ACVR2A: variants seen among roughly 807,000 people sequenced by gnomAD.
ACVR2A encodes activin receptor type-2A.
A neutral mutation model predicts 61.4 loss-of-function variants in ACVR2A; 7 were observed. The ratio of observed to expected loss-of-function variants is 0.11; its 90% CI spans 0.06 to 0.21. The LOEUF is 0.21. Ranked by LOEUF, ACVR2A falls within the 10% of genes least tolerant of loss-of-function variation. The pLI is 1.00. For missense variants in ACVR2A, 322 were observed against 621.7 expected, an observed-to-expected ratio of 0.52 and a Z score of 5.13; for synonymous variants, 193 against 208.3, an observed-to-expected ratio of 0.93 and a Z score of 0.63.
intron 4 of ACVR2A, among the ~76,000 whole-genome samples, chr2:147,913,789 T>G (rs1687178915): frequency 1.4e-5 from 2 of 141,130 alleles, no homozygotes; most frequent in African/African-American, 2.6e-5. Context: ...TTCTTTCATG[T>G]TTTGAATGTG....
chr2:147,911,085 T>A (rs910287604), intron 4 of ACVR2A, among the ~76,000 whole-genome samples: 2 of 152,142 alleles, frequency 1.3e-5, no homozygotes, highest in African/African-American at 4.8e-5. Flanking sequence ...TCTAGCTATA[T>A]ATAAATTTGT....
intron 1 of ACVR2A, among the ~76,000 whole-genome samples, chr2:147,858,125 C>T (rs752269645): frequency 2.0e-5 from 3 of 152,098 alleles, no homozygotes; most frequent in Non-Finnish European, 4.4e-5. Flanking sequence ...CATGTCCCTG[C>T]GAAGGACGTG....
chr2:147,912,135 CTT>C (rs1437282766), intron 4 of ACVR2A, among the ~76,000 whole-genome samples: 1 of 151,914 alleles, frequency 6.6e-6, no homozygotes, highest in African/African-American at 2.4e-5. Flanking sequence ...TCAGAGATGA[CTT>C]TGTAGCTTCC....
In ACVR2A at chr2:147,896,418, G is replaced by A; in HGVS notation, c.173G>A (p.Arg58Gln). 4 of 1,613,916 alleles carry A rather than the reference G, an allele frequency of 2.5e-6. No individual in the cohort carries two copies. Among genetic ancestry groups the A allele is most frequent in the East Asian group, 2.2e-5 (1 of 44,824 alleles). ...EPCYGDKDKR[R>Q]HCFATWKNIS... ...TGTTATGGTGACAAAGATAAACGGC[G>A]GCATTGTTTTGCTACCTGGAAGAAT... Residue 58 changes from arginine (R) to glutamine (Q), a missense_variant, in exon 2 of 11, where the codon CGG becomes CAG. By Grantham distance (43) the Arg-to-Gln change is conservative. Around this residue, in one of 3 missense-constraint regions of ACVR2A, gnomAD observed 142 missense variants for 200.3 expected, o/e 0.71. Transcript: ENST00000241416.
At chr2:147,846,597 A>G (rs2105125817) in intron 1 of ACVR2A, among the ~76,000 whole-genome samples, 1 of 152,260 alleles carries the variant, frequency 6.6e-6, no homozygotes, top group South Asian at 2.1e-4. Context: ...TAACCAAAAG[A>G]ATCATGTCTG....
chr2:147,889,086 A>C (rs544104192), intron 1 of ACVR2A, among the ~76,000 whole-genome samples: 1 of 151,268 alleles, frequency 6.6e-6, no homozygotes, highest in Non-Finnish European at 1.5e-5. Context: ...TTTCACTTTT[A>C]GTCTGTTGAT....
intron 5 of ACVR2A, among the ~76,000 whole-genome samples, 175 bp from the exon 6 acceptor site, chr2:147,917,108 A>C (rs1456518427): frequency 6.6e-6 from 1 of 152,000 alleles, no homozygotes; most frequent in Non-Finnish European, 1.5e-5. Flanking sequence ...CATTTAGTAT[A>C]AATTTGTTAA....
In ACVR2A at chr2:147,845,310, G is replaced by A. The variant is rs938531785; in HGVS notation, c.55+103G>A. The A allele has an allele frequency of 3.7e-6, 4 of 1,085,782 alleles. No individual in the cohort carries two copies. The African/African-American group carries it at 6.5e-5, about 18-fold the overall frequency. 67.3% of individuals were successfully genotyped at this position (1,085,782 alleles called of 1,614,324 possible). On this transcript the variant is annotated intron_variant, in intron 1 of 10. Coordinates refer to ENST00000241416, the MANE Select transcript of ACVR2A (RefSeq NM_001616.5). ...GAGTCGGAGAGTCCAGTGGAGCCTG[G>A]GGAGGTTGCCCACTCCCTGCGCCCC...
chr2:147,857,929 G>A (rs892604963), intron 1 of ACVR2A, among the ~76,000 whole-genome samples: 8 of 152,044 alleles, frequency 5.3e-5, no homozygotes, highest in African/African-American at 1.9e-4. Context: ...TTATCACCCA[G>A]GTATTAAGCC....
intron 1 of ACVR2A, among the ~76,000 whole-genome samples, chr2:147,868,937 T>C (rs1685943791): frequency 6.6e-6 from 1 of 151,884 alleles, no homozygotes; most frequent in Non-Finnish European, 1.5e-5. Flanking sequence ...CCAGCCTTTA[T>C]TTTTTTTCAG....
At chr2:147,925,200 C>T (rs1288916541) in intron 9 of ACVR2A, among the ~76,000 whole-genome samples, 2 of 151,890 alleles carry the variant, frequency 1.3e-5, no homozygotes, top group Non-Finnish European at 2.9e-5. Flanking sequence ...CCAGCTCTAC[C>T]GTTTAACAGC....
At chr2:147,873,272 C>T (rs1269194617) in intron 1 of ACVR2A, among the ~76,000 whole-genome samples, 1 of 151,820 alleles carries the variant, frequency 6.6e-6, no homozygotes, top group Admixed American at 6.6e-5. Context: ...AATGAAATTT[C>T]AGATTTTCTA....
chr2:147,890,952 A>C (rs538848032), intron 1 of ACVR2A, among the ~76,000 whole-genome samples: 1 of 152,172 alleles, frequency 6.6e-6, no homozygotes, highest in South Asian at 2.1e-4. Context: ...GAAAAATACC[A>C]CTCTAGTTTA....
intron 1 of ACVR2A, among the ~76,000 whole-genome samples, chr2:147,855,726 A>G (rs912691917): frequency 3.3e-5 from 5 of 152,034 alleles, no homozygotes; most frequent in Non-Finnish European, 5.9e-5. Flanking sequence ...CTTCTTGTGC[A>G]TATGTGAACT....
rs1222912158 is a variant in ACVR2A, at chr2:147,922,962, A to G, written c.1078-11A>G. 6.3e-7 allele frequency: 1 copy of G among 1,597,406 alleles called. No homozygotes were observed. The highest frequency in any genetic ancestry group is 8.5e-7 in the Non-Finnish European group (1 of 1,175,206). Reference sequence around the variant, plus strand: ...TGAATGAGTACTCTTTGCTTTTAACATCTTTTTCAGGTTGGTACCCGGAGG... The same window carrying G: ...TGAATGAGTACTCTTTGCTTTTAACGTCTTTTTCAGGTTGGTACCCGGAGG... On this transcript the variant is annotated splice_polypyrimidine_tract_variant and intron_variant, in intron 8 of 10. Transcript: ENST00000241416.
intron 1 of ACVR2A, among the ~76,000 whole-genome samples, chr2:147,880,787 G>T (rs1686280167): frequency 6.6e-6 from 1 of 152,172 alleles, no homozygotes. Context: ...GACAGCATTA[G>T]ATATTTGTTG....
At chr2:147,848,080 T>C (rs1685357641) in intron 1 of ACVR2A, among the ~76,000 whole-genome samples, 3 of 152,152 alleles carry the variant, frequency 2.0e-5, no homozygotes, top group Admixed American at 2.0e-4. Context: ...GTACTGTGTA[T>C]GTGTGAATGT....
At chr2:147,895,270 A>C (rs1230779837) in intron 1 of ACVR2A, among the ~76,000 whole-genome samples, 3 of 152,170 alleles carry the variant, frequency 2.0e-5, no homozygotes, top group Non-Finnish European at 2.9e-5. Flanking sequence ...ACTATAGTAC[A>C]TAGTGCACTA....
chr2:147,903,542 T>C (rs62169523), intron 4 of ACVR2A, among the ~76,000 whole-genome samples: 43 of 151,960 alleles, frequency 2.8e-4, no homozygotes, highest in Non-Finnish European at 5.2e-4. Flanking sequence ...ATGTTACTTA[T>C]GTGCTTAAAA....
Sources: gnomAD v4.1 joint callset for allele counts (sites outside exome capture counted in the v4.1 genomes callset) on GRCh38, gnomAD v4.1.1 for gene constraint, gnomAD v4.1.1 regional missense constraint, MANE v1.5 for transcripts, NCBI Gene and HGNC (gene_info 2026-07-23, HGNC 2026-07-21) for gene names.